The following ATP9B variants were observed in gnomAD, a reference collection of about 807,000 sequenced individuals.
ATP9B encodes ATPase phospholipid transporting 9B, also known as probable phospholipid-transporting ATPase IIB.
In ATP9B, 110 loss-of-function variants were observed where a neutral mutation model predicts 146.1. The observed-to-expected ratio is 0.75, with a 90% CI of 0.65 to 0.88. The LOEUF (loss-of-function observed/expected upper bound fraction) is 0.88, where lower values mean the gene tolerates loss of function less well. ATP9B is among the 40% of genes least tolerant of loss of function. The probability of loss-of-function intolerance (pLI) is 0.00; values close to 1 mark genes in which losing one functional copy is unlikely to be tolerated. For synonymous variants in ATP9B, 604 were observed against 569.7 expected (o/e 1.06, Z -0.86); for missense variants, 1,499 against 1,496.4 (o/e 1.00, Z -0.03).
At chr18:79,226,608 C>T (rs11661438) in intron 11 of ATP9B, among the ~76,000 whole-genome samples, 1 of 152,004 alleles carries the variant, frequency 6.6e-6, no homozygotes, top group Non-Finnish European at 1.5e-5. Context: ...CGAGACTTCC[C>T]ACGCCCTGGA....
chr18:79,264,986 G>C (rs1440079783), intron 12 of ATP9B, among the ~76,000 whole-genome samples: 1 of 152,164 alleles, frequency 6.6e-6, no homozygotes, highest in Non-Finnish European at 1.5e-5. Flanking sequence ...ATGGGGGTTT[G>C]TTGTACAGAT....
At chr18:79,249,998 T>C (rs1251154117) in intron 11 of ATP9B, among the ~76,000 whole-genome samples, 1 of 152,194 alleles carries the variant, frequency 6.6e-6, no homozygotes, top group Non-Finnish European at 1.5e-5. Flanking sequence ...CTAAATGTTT[T>C]ATTGCTCTTA....
chr18:79,233,913 A>G (rs1302966888), intron 11 of ATP9B, among the ~76,000 whole-genome samples: 1 of 152,244 alleles, frequency 6.6e-6, no homozygotes, highest in Non-Finnish European at 1.5e-5. Flanking sequence ...CATAAGAGGG[A>G]AAAGTTATAT....
intron 15 of ATP9B, among the ~76,000 whole-genome samples, chr18:79,314,412 G>T (rs1191787801): frequency 1.3e-5 from 2 of 152,140 alleles, no homozygotes; most frequent in African/African-American, 4.8e-5. Context: ...CTACACATGT[G>T]CATAGATGAA....
intron 11 of ATP9B, among the ~76,000 whole-genome samples, chr18:79,246,817 A>C (rs2095971922): frequency 6.6e-6 from 1 of 152,222 alleles, no homozygotes. Context: ...TGAGCACCGC[A>C]GCGGTGATCG....
chr18:79,256,286 T>TATATATATATATATATACATATAC (rs398033647), intron 12 of ATP9B, among the ~76,000 whole-genome samples: 1 of 123,074 alleles, frequency 8.1e-6, no homozygotes, highest in African/African-American at 3.2e-5. Context: ...TATATATATA[T>TATATATATATATATATACATATAC]ACATACATAG....
intron 25 of ATP9B, among the ~76,000 whole-genome samples, chr18:79,356,518 T>C (rs569453010): frequency 1.3e-5 from 2 of 152,326 alleles, no homozygotes; most frequent in East Asian, 3.9e-4. Context: ...CTGTGGTTCA[T>C]TTGCCTGCCA....
intron 11 of ATP9B, among the ~76,000 whole-genome samples, chr18:79,223,297 TTA>T (rs2095698561): frequency 1.3e-5 from 2 of 152,058 alleles, no homozygotes; most frequent in South Asian, 4.1e-4. Flanking sequence ...ATTTTAAAAG[TTA>T]TATTGATTTA....
Position 79,359,339 on chromosome 18 carries a change from C to G in ATP9B, c.2904-15C>G, listed in dbSNP as rs902737852. The G allele has an allele frequency of 1.9e-6, 3 of 1,591,538 alleles. No homozygotes were observed. The highest frequency in any genetic ancestry group is 1.7e-5 in the Admixed American group (1 of 59,900). ...AGTTTCTCACGCCCATTGCACTCCG[C>G]TCTTGGTCTTGCAGGTATGCCACCA... is the stretch of plus-strand genomic sequence containing the variant. On this transcript the variant is annotated splice_polypyrimidine_tract_variant and intron_variant, in intron 25 of 29. Transcript: ENST00000426216.
intron 17 of ATP9B, among the ~76,000 whole-genome samples, chr18:79,332,320 T>C (rs545006643): frequency 7.0e-4 from 107 of 152,242 alleles, no homozygotes; most frequent in Middle Eastern, 6.8e-3. Context: ...TCCCAGCTAC[T>C]TGGGAGGCTG....
At chr18:79,291,584 G>A (rs1342438704) in intron 13 of ATP9B, among the ~76,000 whole-genome samples, 1 of 152,218 alleles carries the variant, frequency 6.6e-6, no homozygotes, top group Non-Finnish European at 1.5e-5. Context: ...TCACCTGAAG[G>A]AATGTCTGCA....
intron 15 of ATP9B, among the ~76,000 whole-genome samples, chr18:79,313,617 T>TA (rs2146717371): frequency 6.6e-6 from 1 of 152,362 alleles, no homozygotes; most frequent in African/African-American, 2.4e-5. Flanking sequence ...TTATTCAAAG[T>TA]ATCTGGGATT....
chr18:79,181,608 T>C (rs1568348052), intron 8 of ATP9B, among the ~76,000 whole-genome samples: 1 of 152,162 alleles, frequency 6.6e-6, no homozygotes, highest in East Asian at 1.9e-4. Flanking sequence ...GCCTTTTTTT[T>C]CCTTCTGTAA....
chr18:79,208,338 TGGCAGGATGA>T (rs1038206104), intron 10 of ATP9B, among the ~76,000 whole-genome samples: 5 of 152,206 alleles, frequency 3.3e-5, no homozygotes, highest in Admixed American at 6.5e-5. Flanking sequence ...TATGCAGATG[TGGCAGGATGA>T]GGCAGGTGGC....
At chr18:79,092,745 A>T (rs996377571) in intron 1 of ATP9B, among the ~76,000 whole-genome samples, 1 of 149,398 alleles carries the variant, frequency 6.7e-6, no homozygotes, top group African/African-American at 2.5e-5. Context: ...CCACCTCCGC[A>T]TTATGTCACT....
intron 28 of ATP9B, among the ~76,000 whole-genome samples, chr18:79,374,578 T>A (rs1247127564): frequency 6.7e-6 from 1 of 150,050 alleles, no homozygotes; most frequent in Non-Finnish European, 1.5e-5. Context: ...TCCCCTGACA[T>A]GAGCAGCACA....
chr18:79,192,992 G>A (rs1457607998), intron 8 of ATP9B, among the ~76,000 whole-genome samples, 191 bp from the exon 9 acceptor site: 1 of 152,124 alleles, frequency 6.6e-6, no homozygotes, highest in East Asian at 1.9e-4. Context: ...AGCACACCCT[G>A]TCAAGCTTAA....
chr18:79,104,900 C>T (rs1210608919), intron 2 of ATP9B, among the ~76,000 whole-genome samples: 2 of 152,102 alleles, frequency 1.3e-5, no homozygotes, highest in African/African-American at 4.8e-5. Flanking sequence ...TGTGCCACCA[C>T]ACCCGGCTAA....
At chr18:79,278,220 A>G (rs1488719935) in intron 13 of ATP9B, among the ~76,000 whole-genome samples, 1 of 152,200 alleles carries the variant, frequency 6.6e-6, no homozygotes, top group Non-Finnish European at 1.5e-5. Flanking sequence ...AACCTGAGGA[A>G]TGAATGGAAA....
Sources: allele counts gnomAD v4.1 joint callset (sites outside exome capture counted in the v4.1 genomes callset), GRCh38; gene constraint gnomAD v4.1.1; transcripts MANE v1.5; gene names NCBI Gene and HGNC (gene_info 2026-07-23, HGNC 2026-07-21).